SCARA5: variants seen among roughly 807,000 people sequenced by gnomAD.
SCARA5 encodes scavenger receptor class A, member 5 (putative).
Under a neutral mutation model 46.3 loss-of-function variants are expected in SCARA5, and 45 were observed. The observed-to-expected ratio is 0.97, with a 90% CI of 0.76 to 1.24. SCARA5 has a LOEUF of 1.24. Among genes scored for constraint, SCARA5 ranks in the 50% most tolerant of loss-of-function variants. The pLI, the probability that SCARA5 is intolerant of heterozygous loss-of-function variation, is 0.00. For synonymous variants in SCARA5, 333 were observed against 306.5 expected (o/e 1.09, Z -0.90); for missense variants, 680 against 689.0 (o/e 0.99, Z 0.15).
chr8:27,912,812 T>A (rs1807399648), intron 4 of SCARA5, among the ~76,000 whole-genome samples: 1 of 152,164 alleles, frequency 6.6e-6, no homozygotes. Context: ...CAAGGGAGGA[T>A]GCTGCCCAAA....
intron 7 of SCARA5, among the ~76,000 whole-genome samples, chr8:27,902,586 T>TTTC (rs1466922900): frequency 6.6e-6 from 1 of 152,198 alleles, no homozygotes; most frequent in Non-Finnish European, 1.5e-5. Context: ...GCGGGCAGTG[T>TTTC]TTCTGATCTC....
intron 8 of SCARA5, among the ~76,000 whole-genome samples, chr8:27,876,188 G>GCAGTT: frequency 6.6e-6 from 1 of 152,290 alleles, no homozygotes; most frequent in African/African-American, 2.4e-5. Context: ...TGACACCCAA[G>GCAGTT]ATCTCCTTTA....
intron 7 of SCARA5, among the ~76,000 whole-genome samples, chr8:27,881,150 CTT>C (rs201157314): frequency 0.012 from 1,849 of 152,280 alleles, 44 homozygotes; most frequent in African/African-American, 0.043. Flanking sequence ...TCTCAAAGAA[CTT>C]AAAACAGAAC....
chr8:27,908,660 G>T (rs1807313340), intron 5 of SCARA5, among the ~76,000 whole-genome samples: 1 of 152,142 alleles, frequency 6.6e-6, no homozygotes, highest in African/African-American at 2.4e-5. Context: ...TCTGTTCCCA[G>T]AGTCCAACAG....
chr8:27,951,285 G>A (rs758270455), intron 3 of SCARA5, among the ~76,000 whole-genome samples: 1 of 152,212 alleles, frequency 6.6e-6, no homozygotes, highest in Non-Finnish European at 1.5e-5. Context: ...CAAGAGCTGT[G>A]CTGAGTGGAG....
intron 7 of SCARA5, among the ~76,000 whole-genome samples, chr8:27,880,096 A>G (rs911310382): frequency 1.3e-5 from 2 of 152,250 alleles, no homozygotes; most frequent in Non-Finnish European, 1.5e-5. Flanking sequence ...CAGTGGGGAA[A>G]GGACTCCCTA....
At position 27,966,550 on chromosome 8, in the gene SCARA5, A is replaced by G; in HGVS notation, c.113-8T>C. 6.2e-7 allele frequency: 1 copy of G among 1,602,148 alleles called. No individual in the cohort carries two copies. The highest frequency in any genetic ancestry group is 8.5e-7 in the Non-Finnish European group (1 of 1,176,686). ...GCCGTTTGTGACATGGACCTGGACA[A>G]TAAGGGTAAGAGGAGGAAGGAAAGA... is the stretch of plus-strand genomic sequence containing the variant. On this transcript the variant is annotated splice_region_variant and splice_polypyrimidine_tract_variant and intron_variant, in intron 2 of 8. Transcript: ENST00000354914.
rs79941386 is a variant in SCARA5, at chr8:27,878,875, G to A, written c.1351+694C>T. 0.013 allele frequency among the ~76,000 whole-genome samples: 1,988 copies of A among 152,284 alleles called. 110 individuals are homozygous for A. In the East Asian group the frequency reaches 0.19, roughly 14 times the overall value. On this transcript the variant is annotated intron_variant, in intron 8 of 8. Coordinates refer to ENST00000354914, the MANE Select transcript of SCARA5 (RefSeq NM_173833.6). ...AGGCCAAGGTGGGTGGAGTACTTGA[G>A]CCCAGGAGTTCGAGACCAGTCTGGG...
chr8:27,979,555 CTTT>C (rs1316560887), intron 2 of SCARA5, among the ~76,000 whole-genome samples: 2 of 140,710 alleles, frequency 1.4e-5, no homozygotes, highest in Non-Finnish European at 1.6e-5. Flanking sequence ...GCCTGCCTGA[CTTT>C]TTTTTTTTTT....
chr8:27,953,945 C>T (rs1808170020), intron 3 of SCARA5, among the ~76,000 whole-genome samples: 1 of 152,144 alleles, frequency 6.6e-6, no homozygotes, highest in East Asian at 1.9e-4. Flanking sequence ...GGCTGAGACC[C>T]CAGAGGAGGG....
intron 3 of SCARA5, among the ~76,000 whole-genome samples, chr8:27,946,470 C>T (rs768647937): frequency 6.6e-6 from 1 of 152,200 alleles, no homozygotes; most frequent in Non-Finnish European, 1.5e-5. Context: ...CAATCAACCA[C>T]GGATAGAGAG....
intron 8 of SCARA5, 87 bp downstream of exon 8, chr8:27,879,482 G>A (rs1341935460): frequency 6.0e-6 from 8 of 1,337,706 alleles, no homozygotes; most frequent in Non-Finnish European, 8.4e-6. Context: ...CGGAATTGCA[G>A]TGGAAGGGAC....
chr8:27,907,068 A>C, intron 6 of SCARA5, 80 bp downstream of exon 6: 1 of 941,364 alleles, frequency 1.1e-6, no homozygotes, highest in Non-Finnish European at 1.6e-6. Flanking sequence ...TGAAGATAAG[A>C]GTCCTGGTCC....
intron 3 of SCARA5, among the ~76,000 whole-genome samples, chr8:27,963,182 C>A (rs1294593501): frequency 6.6e-6 from 1 of 152,176 alleles, no homozygotes; most frequent in Non-Finnish European, 1.5e-5. Context: ...CCAGTCACCA[C>A]AGTGACTGCC....
At chr8:27,902,368 C>T (rs112041614) in intron 7 of SCARA5, among the ~76,000 whole-genome samples, 2,407 of 152,234 alleles carry the variant, frequency 0.016, 60 homozygotes, top group African/African-American at 0.054. Context: ...GTGGCTCTGG[C>T]TCTCACCTCC....
chr8:27,890,558 A>G lies in SCARA5; in HGVS notation c.1154-10792T>C, dbSNP rs186609065. ...AATGGGTAGATGTGTGCGTGACTTT[A>G]TGAGCAAGCATGATTGGAATCCCCT... On this transcript the variant is annotated intron_variant, in intron 7 of 8. Coordinates refer to ENST00000354914, the MANE Select transcript of SCARA5 (RefSeq NM_173833.6). Among the ~76,000 whole-genome samples the G allele has an allele frequency of 9.5e-4, 144 of 152,112 alleles. 2 individuals carry two copies. Among genetic ancestry groups the G allele is most frequent in the Admixed American group, 3.7e-3 (56 of 15,292 alleles).
At chr8:27,904,390 G>C (rs750284930) in intron 7 of SCARA5, 1 of 358,076 alleles carries the variant, frequency 2.8e-6, no homozygotes, top group Non-Finnish European at 5.0e-6. Context: ...TGTCCAGCAT[G>C]ATCATAAGCA....
chr8:27,946,191 C>T (rs1808034723), intron 3 of SCARA5, among the ~76,000 whole-genome samples: 1 of 152,176 alleles, frequency 6.6e-6, no homozygotes. Context: ...ACCAGATGAA[C>T]TTTAATGAAG....
At chr8:27,929,765 T>C (rs1483819466) in intron 3 of SCARA5, among the ~76,000 whole-genome samples, 1 of 152,218 alleles carries the variant, frequency 6.6e-6, no homozygotes, top group African/African-American at 2.4e-5. Flanking sequence ...TCACCTACTG[T>C]ATGCCAAACT....
Sources: gnomAD v4.1 joint callset for allele counts (sites outside exome capture counted in the v4.1 genomes callset) on GRCh38, gnomAD v4.1.1 for gene constraint, MANE v1.5 for transcripts, NCBI Gene and HGNC (gene_info 2026-07-23, HGNC 2026-07-21) for gene names.